Variants in PHGR1 observed in about 807,000 individuals in gnomAD.
PHGR1 encodes proline, histidine and glycine rich 1.
In PHGR1, 3 loss-of-function variants were observed where a neutral mutation model predicts 4.9. The ratio of observed to expected loss-of-function variants is 0.61; its 90% CI spans 0.28 to 1.58. The LOEUF (loss-of-function observed/expected upper bound fraction) is 1.58, where lower values mean the gene tolerates loss of function less well. Among genes scored for constraint, PHGR1 ranks in the 40% most tolerant of loss-of-function variants. The probability of loss-of-function intolerance (pLI) is 0.11; values close to 1 mark genes in which losing one functional copy is unlikely to be tolerated. For missense variants in PHGR1, 81 were observed against 118.7 expected (o/e 0.68, Z 1.48); for synonymous variants, 32 against 46.1 (o/e 0.69, Z 1.24).
intron 2 of PHGR1, 97 bp from the exon 3 acceptor site, chr15:40,354,248 G>A (rs906060707): frequency 2.9e-6 from 4 of 1,393,740 alleles, no homozygotes; most frequent in African/African-American, 1.4e-5. Flanking sequence ...AGGGGTGTGG[G>A]CACAAAATCC....
Position 40,356,379 on chromosome 15 carries a change from C to A in PHGR1, c.*76C>A. 1 of 1,547,180 alleles carries A rather than the reference C, an allele frequency of 6.5e-7. No individual in the cohort carries two copies. Among genetic ancestry groups the A allele is most frequent in the South Asian group, 1.2e-5 (1 of 83,790 alleles). ...AGCTGACCTGGAATGAGGCCTAAAC[C>A]ACAATCTTCTCTTCCTAATAAACAG... On this transcript the variant is annotated 3_prime_UTR_variant, in exon 4 of 4. Coordinates refer to ENST00000448599, the MANE Select transcript of PHGR1 (RefSeq NM_001145643.2).
At chr15:40,353,142 T>TGTGTGA (rs1889233395) in intron 1 of PHGR1, 90 bp from the exon 2 acceptor site, 3 of 941,792 alleles carry the variant, frequency 3.2e-6, no homozygotes, top group African/African-American at 3.6e-5. Context: ...TGTGTGTGTG[T>TGTGTGA]GTGTGCGCGC....
chr15:40,355,548 G>A (rs1463055697), intron 3 of PHGR1, among the ~76,000 whole-genome samples: 2 of 151,978 alleles, frequency 1.3e-5, no homozygotes, highest in African/African-American at 2.4e-5. Context: ...CCTACCCTCC[G>A]TGTCTTCTCA....
intron 3 of PHGR1, among the ~76,000 whole-genome samples, chr15:40,354,996 T>C (rs1348911217): frequency 6.6e-6 from 1 of 151,980 alleles, no homozygotes; most frequent in Non-Finnish European, 1.5e-5. Context: ...TCCCCACTGG[T>C]ACCAAGCCCT....
intron 3 of PHGR1, among the ~76,000 whole-genome samples, chr15:40,354,708 G>C (rs972843169): frequency 2.0e-5 from 3 of 152,156 alleles, no homozygotes; most frequent in Admixed American, 2.0e-4. Context: ...TGGATAGCTG[G>C]CTTGCTCCCA....
intron 1 of PHGR1, 55 bp from the exon 2 acceptor site, chr15:40,353,177 A>C: frequency 2.7e-6 from 4 of 1,494,330 alleles, no homozygotes; most frequent in Non-Finnish European, 2.7e-6. Context: ...GGGAGGGAGA[A>C]AGGAAAGACT....
At chr15:40,353,442 A>C (rs1472067291) in intron 2 of PHGR1, 175 bp downstream of exon 2, 1 of 758,874 alleles carries the variant, frequency 1.3e-6, no homozygotes, top group Non-Finnish European at 2.2e-6. Context: ...TACATACTGT[A>C]GAACATGTTA....
chr15:40,354,460 A>C, intron 3 of PHGR1, 108 bp downstream of exon 3: 18 of 1,324,870 alleles, frequency 1.4e-5, no homozygotes, highest in Non-Finnish European at 1.9e-5. Flanking sequence ...CTTCCCCCAA[A>C]TGAAAAGAAG....
chr15:40,355,235 A>C (rs958668541), intron 3 of PHGR1, among the ~76,000 whole-genome samples: 15 of 151,944 alleles, frequency 9.9e-5, no homozygotes, highest in African/African-American at 3.1e-4. Context: ...GCCAAGATGG[A>C]AGGTTAAACC....
intron 3 of PHGR1, 143 bp from the exon 4 acceptor site, chr15:40,355,930 C>T: frequency 1.2e-6 from 1 of 843,144 alleles, no homozygotes. Flanking sequence ...GGACATGCTA[C>T]CCATGCCCCC....
At chr15:40,353,371 T>C (rs1889239071) in intron 2 of PHGR1, 104 bp downstream of exon 2, 1 of 1,411,622 alleles carries the variant, frequency 7.1e-7, no homozygotes, top group East Asian at 2.5e-5. Flanking sequence ...GTGCCAAAAA[T>C]GTACGTGCGT....
rs1889293333 is a variant in PHGR1 at position 40,356,152 on chromosome 15, G to A, written c.98G>A (p.Gly33Glu). Residue 33 changes from glycine (G) to glutamate (E), a missense_variant, in exon 4 of 4, where the codon GGG (glycine) becomes GAG (glutamate). Transcript: ENST00000448599. Reference sequence around the variant, plus strand: ...CCTGGCCATGGCCCAGGGCCCTGCGGGCCACCCCCCCACCATGGTCCAGGG... The same window carrying A: ...CCTGGCCATGGCCCAGGGCCCTGCGAGCCACCCCCCCACCATGGTCCAGGG... ...PPPGHGPGPC[G>E]PPPHHGPGPC... 3 of 1,541,660 alleles carry A rather than the reference G, an allele frequency of 1.9e-6. No individual in the cohort carries two copies. Among genetic ancestry groups the A allele is most frequent in the African/African-American group, 1.4e-5 (1 of 72,210 alleles).
chr15:40,353,581 G>C, intron 2 of PHGR1: 1 of 351,006 alleles, frequency 2.8e-6, no homozygotes, highest in Non-Finnish European at 5.3e-6. Context: ...AGGTGCAGCT[G>C]GGTCGGAATC....
chr15:40,356,163 C>T lies in PHGR1; in HGVS notation c.109C>T (p.His37Tyr), dbSNP rs769726162. 4 of 1,537,000 alleles carry T rather than the reference C, an allele frequency of 2.6e-6. No homozygotes were observed. Among genetic ancestry groups the T allele is most frequent in the Admixed American group, 2.0e-5 (1 of 49,788 alleles). ...CCCAGGGCCCTGCGGGCCACCCCCC[C>T]ACCATGGTCCAGGGCCCTGCGGGCC... ...HGPGPCGPPP[H>Y]HGPGPCGPPP... Residue 37 changes from histidine (H) to tyrosine (Y), a missense_variant, in exon 4 of 4, where the codon CAC (histidine) becomes TAC (tyrosine). Transcript: ENST00000448599.
At position 40,356,307 on chromosome 15, in the gene PHGR1, A is replaced by C; in HGVS notation, c.*4A>C. The stretch of plus-strand genomic sequence containing the variant: ...ACCCCCTGGTCCACATCACTGAGGA[A>C]GTAGAAGAAAACAGGACACAAGATG... On this transcript the variant is annotated 3_prime_UTR_variant, in exon 4 of 4. Coordinates refer to ENST00000448599, the MANE Select transcript of PHGR1 (RefSeq NM_001145643.2). 1 of 1,549,756 alleles carries C rather than the reference A, an allele frequency of 6.5e-7. No homozygotes were observed. The highest frequency in any genetic ancestry group is 8.7e-7 in the Non-Finnish European group (1 of 1,146,546).
intron 2 of PHGR1, among the ~76,000 whole-genome samples, 168 bp from the exon 3 acceptor site, chr15:40,354,177 G>A (rs1889252253): frequency 6.6e-6 from 1 of 152,212 alleles, no homozygotes; most frequent in Non-Finnish European, 1.5e-5. Context: ...TCTTTGCTGA[G>A]AGAATGAATG....
chr15:40,355,378 T>C (rs994695523), intron 3 of PHGR1, among the ~76,000 whole-genome samples: 1 of 152,166 alleles, frequency 6.6e-6, no homozygotes, highest in Non-Finnish European at 1.5e-5. Context: ...CACAGAACCA[T>C]GCACTCCATG....
At chr15:40,352,849 T>C (rs1468223753) in intron 1 of PHGR1, among the ~76,000 whole-genome samples, 2 of 151,966 alleles carry the variant, frequency 1.3e-5, no homozygotes, top group Non-Finnish European at 2.9e-5. Context: ...ACACACAACA[T>C]GAATAATTAG....
intron 1 of PHGR1, 60 bp from the exon 2 acceptor site, chr15:40,353,172 G>A (rs1387093832): frequency 4.1e-6 from 6 of 1,454,614 alleles, no homozygotes; most frequent in East Asian, 5.0e-5. Flanking sequence ...TCCGTGGGAG[G>A]GAGAAAGGAA....
Sources: gnomAD v4.1 joint callset for allele counts (sites outside exome capture counted in the v4.1 genomes callset) on GRCh38, gnomAD v4.1.1 for gene constraint, MANE v1.5 for transcripts, NCBI Gene and HGNC (gene_info 2026-07-23, HGNC 2026-07-21) for gene names.